CDK1: variants seen among roughly 807,000 people sequenced by gnomAD.
CDK1 encodes cyclin dependent kinase 1, also known as cyclin-dependent kinase 1.
In CDK1, 5 loss-of-function variants were observed where a neutral mutation model predicts 34.6. That is an observed-to-expected ratio of 0.14 (90% CI 0.08 to 0.30). The LOEUF (loss-of-function observed/expected upper bound fraction) is 0.30. Ranked by LOEUF, CDK1 falls within the 10% of genes least tolerant of loss-of-function variation. CDK1 has a pLI of 1.00. For synonymous variants in CDK1, 108 were observed against 114.7 expected (o/e 0.94, Z 0.37); for missense variants, 157 against 345.7 (o/e 0.45, Z 4.33).
At chr10:60,787,026 T>G in intron 4 of CDK1, 1 of 983,910 alleles carries the variant, frequency 1.0e-6, no homozygotes, top group Non-Finnish European at 1.2e-6. Context: ...TAAGATTTAT[T>G]TTGACTTAAA....
chr10:60,785,940 G>A, intron 4 of CDK1, 153 bp downstream of exon 4: 19 of 1,244,804 alleles, frequency 1.5e-5, no homozygotes, highest in Non-Finnish European at 1.9e-5. Context: ...AGTTTATACA[G>A]GTTAGAGATA....
intron 3 of CDK1, among the ~76,000 whole-genome samples, 169 bp downstream of exon 3, chr10:60,785,030 C>A (rs2080303590): frequency 6.6e-6 from 1 of 152,150 alleles, no homozygotes; most frequent in African/African-American, 2.4e-5. Flanking sequence ...AGAGAACAGG[C>A]TGTTAAAGCA....
At position 60,784,736 on chromosome 10, in the gene CDK1, C is replaced by G. The variant is rs2080301172; in HGVS notation, c.69C>G (p.His23Gln). 1.1e-5 allele frequency: 18 copies of G among 1,612,636 alleles called. No individual in the cohort carries two copies. The highest frequency in any genetic ancestry group is 1.5e-5 in the Non-Finnish European group (18 of 1,179,204). ...GTYGVVYKGRHKTTGQVVAMK... is the reference protein window; with the variant it reads ...GTYGVVYKGRQKTTGQVVAMK... ...ATGGAGTTGTGTATAAGGGTAGACA[C>G]AAAACTACAGGTCAAGTGGTAGCCA... Residue 23 changes from histidine (H) to glutamine (Q), a missense_variant, in exon 3 of 8, where the codon CAC (histidine) becomes CAG (glutamine). His to Gln is a conservative substitution (Grantham distance 24). Coordinates refer to ENST00000395284, the MANE Select transcript of CDK1 (RefSeq NM_001786.5).
intron 5 of CDK1, 87 bp downstream of exon 5, chr10:60,788,317 C>A: frequency 1.0e-6 from 1 of 959,740 alleles, no homozygotes; most frequent in Non-Finnish European, 1.5e-6. Context: ...AGAAATAACT[C>A]AATAAAAGAT....
chr10:60,780,318 C>A, intron 2 of CDK1, 116 bp downstream of exon 2: 1 of 673,734 alleles, frequency 1.5e-6, no homozygotes, highest in South Asian at 1.7e-5. Context: ...TCTTGTAGTA[C>A]CAGTGTGCAT....
rs948071722 is a variant in CDK1, at chr10:60,780,440, G to A, written c.37+238G>A. On this transcript the variant is annotated intron_variant, in intron 2 of 7. Transcript: ENST00000395284. Reference sequence around the variant, plus strand: ...CACCCCCATAGTCTTACAGTCTTCTGATACTAAACACTTATAGTAGTACTT... The same window carrying A: ...CACCCCCATAGTCTTACAGTCTTCTAATACTAAACACTTATAGTAGTACTT... 2.0e-5 allele frequency among the ~76,000 whole-genome samples: 3 copies of A among 152,226 alleles called. No individual in the cohort carries two copies. The South Asian group carries it at 6.2e-4, about 32-fold the overall frequency.
intron 2 of CDK1, among the ~76,000 whole-genome samples, chr10:60,783,897 G>C (rs1457639601): frequency 1.3e-5 from 2 of 152,082 alleles, no homozygotes; most frequent in Non-Finnish European, 2.9e-5. Flanking sequence ...ACAAACACCT[G>C]GTCTTTTTTC....
intron 2 of CDK1, among the ~76,000 whole-genome samples, chr10:60,780,594 A>G (rs961685477): frequency 6.6e-6 from 1 of 152,192 alleles, no homozygotes; most frequent in African/African-American, 2.4e-5. Flanking sequence ...GATGATAAAT[A>G]TTTTTATCCA....
At chr10:60,784,002 A>T (rs565655395) in intron 2 of CDK1, among the ~76,000 whole-genome samples, 8 of 152,344 alleles carry the variant, frequency 5.3e-5, no homozygotes, top group African/African-American at 1.9e-4. Context: ...ATTTTCTGAA[A>T]GTGTCATAAT....
chr10:60,788,251 TG>T, intron 5 of CDK1, 21 bp downstream of exon 5: 1 of 1,499,470 alleles, frequency 6.7e-7, no homozygotes, highest in Non-Finnish European at 9.0e-7. Flanking sequence ...TAGTGGTTTT[TG>T]ATGGCTTTTG....
intron 1 of CDK1, among the ~76,000 whole-genome samples, chr10:60,779,099 G>T (rs1438562530): frequency 6.6e-6 from 1 of 152,220 alleles, no homozygotes; most frequent in Non-Finnish European, 1.5e-5. Flanking sequence ...TCTGCCCACG[G>T]CCCCGGCCCA....
chr10:60,778,538 T>G lies in CDK1; in HGVS notation c.-58T>G, dbSNP rs2080242555. On this transcript the variant is annotated 5_prime_UTR_variant, in exon 1 of 8. Coordinates refer to ENST00000395284, the MANE Select transcript of CDK1 (RefSeq NM_001786.5). ...CGGAGAGCGACGCGGTTGTTGTAGCTGCCGCTGCGGCCGCCGCGGAATAAT... is the reference window on the plus strand; with the variant it reads ...CGGAGAGCGACGCGGTTGTTGTAGCGGCCGCTGCGGCCGCCGCGGAATAAT... 6.6e-6 allele frequency: 1 copy of G among 152,420 alleles called. No homozygotes were observed. The highest frequency in any genetic ancestry group is 1.5e-5 in the Non-Finnish European group (1 of 68,224). The allele number at this position is 152,420 out of a possible 1,614,324, so 9.4% of individuals were successfully genotyped here.
At chr10:60,781,597 G>C (rs1338481256) in intron 2 of CDK1, among the ~76,000 whole-genome samples, 1 of 152,106 alleles carries the variant, frequency 6.6e-6, no homozygotes, top group Non-Finnish European at 1.5e-5. Flanking sequence ...TATGAACACT[G>C]TCTCCAAAAC....
Sources: gnomAD v4.1 joint callset for allele counts (sites outside exome capture counted in the v4.1 genomes callset) on GRCh38, gnomAD v4.1.1 for gene constraint, MANE v1.5 for transcripts, NCBI Gene and HGNC (gene_info 2026-07-23, HGNC 2026-07-21) for gene names.